Variants in STK32B observed in about 807,000 individuals in gnomAD.
STK32B encodes serine/threonine kinase 32B.
A neutral mutation model predicts 52.6 loss-of-function variants in STK32B; 43 were observed. The ratio of observed to expected loss-of-function variants is 0.82; its 90% CI spans 0.64 to 1.05. The LOEUF (loss-of-function observed/expected upper bound fraction) is 1.05, where lower values mean the gene tolerates loss of function less well. Ranked by LOEUF, STK32B falls within the 50% of genes least tolerant of loss-of-function variation. The pLI is 0.00. For synonymous variants in STK32B, 238 were observed against 204.3 expected (o/e 1.17, Z -1.41); for missense variants, 621 against 534.6 (o/e 1.16, Z -1.59).
intron 4 of STK32B, among the ~76,000 whole-genome samples, chr4:5,347,460 C>T (rs1440968550): frequency 6.6e-6 from 1 of 152,186 alleles, no homozygotes; most frequent in African/African-American, 2.4e-5. Context: ...ATTAGGGTGG[C>T]TCATCTGCCA....
At chr4:5,085,272 T>A (rs1301153964) in intron 1 of STK32B, among the ~76,000 whole-genome samples, 1 of 152,236 alleles carries the variant, frequency 6.6e-6, no homozygotes, top group African/African-American at 2.4e-5. Flanking sequence ...AATGACATAA[T>A]AAATGTAAAA....
At chr4:5,334,986 C>A (rs1210687365) in intron 4 of STK32B, among the ~76,000 whole-genome samples, 3 of 151,988 alleles carry the variant, frequency 2.0e-5, no homozygotes, top group Non-Finnish European at 4.4e-5. Flanking sequence ...ATGATGCTGG[C>A]CTCATAAAAT....
chr4:5,211,603 C>T (rs1037368592), intron 3 of STK32B, among the ~76,000 whole-genome samples: 2 of 152,164 alleles, frequency 1.3e-5, no homozygotes, highest in African/African-American at 4.8e-5. Flanking sequence ...AGCTTATTTG[C>T]TTGCGGAATA....
chr4:5,032,100 A>G, the STK32B span, among the ~76,000 whole-genome samples: 18 of 152,176 alleles, frequency 1.2e-4, no homozygotes, highest in African/African-American at 3.9e-4. Context: ...AGTTGCATAT[A>G]CAACGATATA....
At chr4:5,255,796 T>C (rs1321520139) in intron 3 of STK32B, among the ~76,000 whole-genome samples, 1 of 152,236 alleles carries the variant, frequency 6.6e-6, no homozygotes, top group Non-Finnish European at 1.5e-5. Flanking sequence ...TCTTCTACTA[T>C]ATGAATATAC....
chr4:5,112,146 A>C (rs2108802999), intron 1 of STK32B, among the ~76,000 whole-genome samples: 1 of 152,256 alleles, frequency 6.6e-6, no homozygotes, highest in Admixed American at 6.5e-5. Flanking sequence ...ACTACAAGAG[A>C]ATGCCCTACA....
intron 4 of STK32B, among the ~76,000 whole-genome samples, chr4:5,337,012 G>A (rs145900980): frequency 1.3e-5 from 2 of 152,138 alleles, no homozygotes; most frequent in East Asian, 3.9e-4. Flanking sequence ...ACAGAGTTTT[G>A]CTGTCGTTCA....
chr4:5,347,658 A>G (rs1304821242), intron 4 of STK32B, among the ~76,000 whole-genome samples: 1 of 152,154 alleles, frequency 6.6e-6, no homozygotes, highest in Non-Finnish European at 1.5e-5. Context: ...TGTAATCCCC[A>G]CATGTCAAAG....
intron 4 of STK32B, among the ~76,000 whole-genome samples, chr4:5,372,087 G>C (rs77705060): frequency 0.03 from 4,601 of 152,342 alleles, 250 homozygotes; most frequent in African/African-American, 0.1. Context: ...TGGCACAGAA[G>C]GGACAAACAC....
At chr4:5,318,086 T>G (rs1731231608) in intron 3 of STK32B, among the ~76,000 whole-genome samples, 2 of 149,870 alleles carry the variant, frequency 1.3e-5, no homozygotes, top group Non-Finnish European at 2.9e-5. Flanking sequence ...GGCTTGCATT[T>G]GTGTGTGCTT....
the STK32B span, among the ~76,000 whole-genome samples, chr4:5,045,382 T>C: frequency 1.3e-5 from 2 of 152,356 alleles, no homozygotes; most frequent in Non-Finnish European, 2.9e-5. Context: ...TGCAGCCAAC[T>C]TCCTCACTGC....
chr4:5,304,017 A>G (rs1729749206), intron 3 of STK32B, among the ~76,000 whole-genome samples: 1 of 152,056 alleles, frequency 6.6e-6, no homozygotes, highest in Non-Finnish European at 1.5e-5. Context: ...TGAGTTCTCT[A>G]TTCTGTTCCA....
At chr4:5,171,183 G>A (rs1719341457) in intron 3 of STK32B, among the ~76,000 whole-genome samples, 1 of 151,928 alleles carries the variant, frequency 6.6e-6, no homozygotes, top group Non-Finnish European at 1.5e-5. Flanking sequence ...ATTTGTTTGA[G>A]TTCATTGTAG....
intron 4 of STK32B, among the ~76,000 whole-genome samples, chr4:5,341,133 C>A (rs1260268657): frequency 6.6e-6 from 1 of 152,194 alleles, no homozygotes; most frequent in Non-Finnish European, 1.5e-5. Flanking sequence ...TATTAACATA[C>A]AAATGAGCAC....
At chr4:5,166,199 C>CT (rs1718859050) in intron 2 of STK32B, among the ~76,000 whole-genome samples, 3 of 151,984 alleles carry the variant, frequency 2.0e-5, no homozygotes, top group Non-Finnish European at 2.9e-5. Context: ...AAGCCAACAG[C>CT]GTTATTGCCG....
intron 3 of STK32B, among the ~76,000 whole-genome samples, chr4:5,171,249 C>T (rs1247810254): frequency 1.4e-4 from 22 of 151,914 alleles, no homozygotes; most frequent in Admixed American, 9.2e-4. Flanking sequence ...TTCTCCCATT[C>T]TGTAGGTTGC....
intron 3 of STK32B, among the ~76,000 whole-genome samples, chr4:5,309,850 A>G (rs1367953481): frequency 2.0e-5 from 3 of 152,184 alleles, no homozygotes; most frequent in South Asian, 2.1e-4. Flanking sequence ...GGATCTCAAA[A>G]GCACAGACAA....
intron 1 of STK32B, among the ~76,000 whole-genome samples, chr4:5,089,387 C>G (rs1712924231): frequency 6.6e-6 from 1 of 152,064 alleles, no homozygotes; most frequent in South Asian, 2.1e-4. Flanking sequence ...TTCTCTGTGT[C>G]CATATATTCT....
chr4:5,429,317 C>A (rs1292958386), intron 6 of STK32B, among the ~76,000 whole-genome samples: 1 of 152,000 alleles, frequency 6.6e-6, no homozygotes, highest in African/African-American at 2.4e-5. Flanking sequence ...TTATTTAAAT[C>A]TATCATCTTG....
Sources: gnomAD v4.1 joint callset for allele counts (sites outside exome capture counted in the v4.1 genomes callset) on GRCh38, gnomAD v4.1.1 for gene constraint, MANE v1.5 for transcripts, NCBI Gene and HGNC (gene_info 2026-07-23, HGNC 2026-07-21) for gene names.